KIF26B: variants seen among roughly 807,000 people sequenced by gnomAD.
KIF26B encodes kinesin family member 26B.
A neutral mutation model predicts 151.2 loss-of-function variants in KIF26B; 63 were observed. The ratio of observed to expected loss-of-function variants is 0.42; its 90% CI spans 0.34 to 0.51. The LOEUF (loss-of-function observed/expected upper bound fraction) is 0.51. Among genes scored for constraint, KIF26B ranks in the 20% least tolerant of loss-of-function variants. The probability of loss-of-function intolerance (pLI) is 0.07; values close to 1 mark genes in which losing one functional copy is unlikely to be tolerated. For synonymous variants in KIF26B, 1,357 were observed against 1,262.1 expected, an observed-to-expected ratio of 1.08 and a Z score of -1.59; for missense variants, 2,813 against 2,913.6, an observed-to-expected ratio of 0.97 and a Z score of 0.79.
intron 14 of KIF26B, among the ~76,000 whole-genome samples, chr1:245,701,207 A>AT (rs1250629165): frequency 6.6e-6 from 1 of 152,212 alleles, no homozygotes; most frequent in African/African-American, 2.4e-5. Context: ...GGGGAAATAT[A>AT]TATTGTTTCT....
chr1:245,635,104 T>G (rs2043821116), intron 9 of KIF26B, among the ~76,000 whole-genome samples: 1 of 151,296 alleles, frequency 6.6e-6, no homozygotes, highest in African/African-American at 2.4e-5. Context: ...TTGTGTTTTT[T>G]TTTTTTTTTC....
chr1:245,532,427 G>C (rs1377972998), intron 4 of KIF26B, among the ~76,000 whole-genome samples: 1 of 151,292 alleles, frequency 6.6e-6, no homozygotes. Flanking sequence ...TTGTATTTTT[G>C]GTAGAGACGG....
chr1:245,341,897 AC>A (rs1672341654), intron 2 of KIF26B, among the ~76,000 whole-genome samples: 1 of 152,182 alleles, frequency 6.6e-6, no homozygotes, highest in African/African-American at 2.4e-5. Flanking sequence ...TTCCCGTGGC[AC>A]CATCTACGCC....
chr1:245,408,284 T>A (rs1484775585), intron 3 of KIF26B, among the ~76,000 whole-genome samples: 2 of 152,122 alleles, frequency 1.3e-5, no homozygotes, highest in East Asian at 1.9e-4. Context: ...AGAGAGAGCC[T>A]ATTGTGCTCA....
At chr1:245,481,162 C>G (rs1660161615) in intron 4 of KIF26B, among the ~76,000 whole-genome samples, 2 of 151,882 alleles carry the variant, frequency 1.3e-5, no homozygotes, top group Admixed American at 6.6e-5. Flanking sequence ...GCATCTGCTT[C>G]AAACCAATGG....
At position 245,488,855 on chromosome 1, in the gene KIF26B, G is replaced by A. The variant is rs550560798; in HGVS notation, c.1167-51912G>A. Among the ~76,000 whole-genome samples, 3 of 152,250 alleles carry A rather than the reference G, an allele frequency of 2.0e-5. No individual in the cohort carries two copies. The highest frequency in any genetic ancestry group is 7.2e-5 in the African/African-American group (3 of 41,568). On this transcript the variant is annotated intron_variant, in intron 4 of 14. Coordinates refer to ENST00000407071, the MANE Select transcript of KIF26B (RefSeq NM_018012.4). This position sits in a 1 kb window ranked among gnomAD's most constrained non-coding sequence, Gnocchi z 4.6. ...CTTAATAACAGAGGGACCAAGACTC[G>A]ATTCTTTATGCCTTAGGCTAGGTTT...
intron 2 of KIF26B, among the ~76,000 whole-genome samples, chr1:245,189,732 C>A (rs916657968): frequency 6.6e-6 from 1 of 152,208 alleles, no homozygotes; most frequent in Non-Finnish European, 1.5e-5. Context: ...TGTGTGTTAA[C>A]AAAGTTGAAG....
intron 9 of KIF26B, among the ~76,000 whole-genome samples, chr1:245,617,955 TG>T (rs1262125409): frequency 6.6e-6 from 1 of 152,170 alleles, no homozygotes; most frequent in East Asian, 1.9e-4. Context: ...TTCTTCCTCC[TG>T]CCCCTTCTGC....
chr1:245,534,954 T>C (rs1258012198), intron 4 of KIF26B, among the ~76,000 whole-genome samples: 1 of 152,104 alleles, frequency 6.6e-6, no homozygotes, highest in African/African-American at 2.4e-5. Context: ...GACTAGTTTT[T>C]GGATTTTAGC....
At chr1:245,683,846 T>C (rs10924304) in intron 10 of KIF26B, among the ~76,000 whole-genome samples, 31,032 of 152,110 alleles carry the variant, frequency 0.2, 3,397 homozygotes, top group Non-Finnish European at 0.23. Flanking sequence ...GTGGAAACCC[T>C]GGAGAAAGGC....
intron 2 of KIF26B, among the ~76,000 whole-genome samples, chr1:245,236,583 T>A (rs1212349233): frequency 6.6e-6 from 1 of 152,232 alleles, no homozygotes; most frequent in Non-Finnish European, 1.5e-5. Context: ...GAATAAAATT[T>A]GTTTTATAAG....
At chr1:245,506,959 C>G (rs1053327997) in intron 4 of KIF26B, among the ~76,000 whole-genome samples, 3 of 152,206 alleles carry the variant, frequency 2.0e-5, no homozygotes, top group African/African-American at 7.2e-5. Context: ...GGATTACAGG[C>G]GTGAGCCACG....
At chr1:245,478,359 G>A (rs1301850222) in intron 4 of KIF26B, among the ~76,000 whole-genome samples, 1 of 151,014 alleles carries the variant, frequency 6.6e-6, no homozygotes, top group African/African-American at 2.4e-5. Flanking sequence ...AGGAGTGGAA[G>A]GACTTGAGCA....
At chr1:245,158,884 G>T (rs1354197417) in intron 2 of KIF26B, among the ~76,000 whole-genome samples, 1 of 149,814 alleles carries the variant, frequency 6.7e-6, no homozygotes, top group Non-Finnish European at 1.5e-5. Flanking sequence ...TGTGTTTTAA[G>T]CATTTGTACC....
rs1347206564 is a variant in KIF26B, at chr1:245,606,417, T to G, written c.1558-1234T>G. ...TGCCTCCCGGAGCTCCCACGAGCCC[T>G]GACTCCGGCCCCGAGACAGAAATGA... is the stretch of plus-strand genomic sequence containing the variant. On this transcript the variant is annotated intron_variant, in intron 6 of 14. Transcript: ENST00000407071. This position sits in a 1 kb window ranked among gnomAD's most constrained non-coding sequence, Gnocchi z 4.6. 6.6e-6 allele frequency among the ~76,000 whole-genome samples: 1 copy of G among 151,542 alleles called. No individual in the cohort carries two copies. The highest frequency in any genetic ancestry group is 1.5e-5 in the Non-Finnish European group (1 of 67,954).
chr1:245,636,448 A>T (rs142254674), intron 9 of KIF26B, among the ~76,000 whole-genome samples: 1,570 of 149,934 alleles, frequency 0.01, 9 homozygotes, highest in Non-Finnish European at 0.015. Flanking sequence ...AGTACACATG[A>T]TATTTTGATG....
intron 2 of KIF26B, among the ~76,000 whole-genome samples, chr1:245,323,805 G>C (rs2102988012): frequency 6.6e-6 from 1 of 152,362 alleles, no homozygotes; most frequent in Admixed American, 6.5e-5. Flanking sequence ...AGGACATCCA[G>C]CTGTACGGGA....
At chr1:245,629,112 G>A (rs2043754191) in intron 9 of KIF26B, among the ~76,000 whole-genome samples, 1 of 152,026 alleles carries the variant, frequency 6.6e-6, no homozygotes, top group South Asian at 2.1e-4. Flanking sequence ...ACAAACAAAT[G>A]GAAAAACATC....
intron 2 of KIF26B, among the ~76,000 whole-genome samples, chr1:245,207,308 A>G (rs1669426395): frequency 6.6e-6 from 1 of 152,176 alleles, no homozygotes; most frequent in South Asian, 2.1e-4. Flanking sequence ...ACAGGAGGGA[A>G]AGGGTTTTTT....
Sources: gnomAD v4.1 joint callset for allele counts (sites outside exome capture counted in the v4.1 genomes callset) on GRCh38, gnomAD v4.1.1 for gene constraint, Gnocchi (gnomAD v3.1) non-coding constraint, MANE v1.5 for transcripts, NCBI Gene and HGNC (gene_info 2026-07-23, HGNC 2026-07-21) for gene names.